The following MVB12B variants were observed in gnomAD, a reference collection of about 807,000 sequenced individuals.
The protein encoded by MVB12B is multivesicular body subunit 12B.
In MVB12B, 16 loss-of-function variants were observed where a neutral mutation model predicts 41.6. The ratio of observed to expected loss-of-function variants is 0.38; its 90% CI spans 0.26 to 0.58. The LOEUF (loss-of-function observed/expected upper bound fraction) is 0.58. Among genes scored for constraint, MVB12B ranks in the 20% least tolerant of loss-of-function variants. The pLI is 0.62. For synonymous variants in MVB12B, 133 were observed against 139.7 expected, an observed-to-expected ratio of 0.95 and a Z score of 0.34; for missense variants, 274 against 380.2, an observed-to-expected ratio of 0.72 and a Z score of 2.32.
chr9:126,502,245 C>T (rs1833973665), intron 9 of MVB12B, among the ~76,000 whole-genome samples: 2 of 152,132 alleles, frequency 1.3e-5, no homozygotes, highest in South Asian at 2.1e-4. Context: ...ACGCCTTGCA[C>T]CTGTGTCCGG....
rs1211521655 is a variant in MVB12B at position 126,333,245 on chromosome 9, C to A, written c.81+6235C>A. Among the ~76,000 whole-genome samples the A allele has an allele frequency of 6.6e-6, 1 of 152,040 alleles. No homozygotes were observed. Among genetic ancestry groups the A allele is most frequent in the African/African-American group, 2.4e-5 (1 of 41,368 alleles). On this transcript the variant is annotated intron_variant, in intron 1 of 9. Transcript: ENST00000361171. This position sits in a 1 kb window ranked among gnomAD's most constrained non-coding sequence, Gnocchi z 4.7. Reference sequence around the variant, plus strand: ...GGGACTACAGGTGCGTGCCACCATGCCTGGCTAATTTTTGTATTTTTAGTA... The same window carrying A: ...GGGACTACAGGTGCGTGCCACCATGACTGGCTAATTTTTGTATTTTTAGTA...
At chr9:126,454,783 AT>A in intron 7 of MVB12B, among the ~76,000 whole-genome samples, 1 of 149,034 alleles carries the variant, frequency 6.7e-6, no homozygotes, top group East Asian at 2.2e-4. Context: ...GATGACCATA[AT>A]TGAGTTTTTT....
intron 6 of MVB12B, among the ~76,000 whole-genome samples, chr9:126,409,024 C>T (rs1047314081): frequency 7.2e-5 from 11 of 152,220 alleles, no homozygotes; most frequent in Admixed American, 3.3e-4. Flanking sequence ...TGCCTCAAAT[C>T]GGCCTTGTGG....
intron 1 of MVB12B, among the ~76,000 whole-genome samples, chr9:126,338,314 C>A (rs1049186606): frequency 1.3e-5 from 2 of 152,242 alleles, no homozygotes; most frequent in Non-Finnish European, 2.9e-5. Context: ...TTTGAACCTT[C>A]TCCTGGGCCG....
At chr9:126,335,318 C>T (rs1049162732) in intron 1 of MVB12B, 5 of 1,304,012 alleles carry the variant, frequency 3.8e-6, no homozygotes, top group African/African-American at 1.5e-5. Context: ...TCAGTCTGTG[C>T]ACTGTCCCCC....
chr9:126,371,978 A>G (rs781561871), intron 2 of MVB12B, among the ~76,000 whole-genome samples: 4 of 152,128 alleles, frequency 2.6e-5, no homozygotes, highest in Non-Finnish European at 4.4e-5. Context: ...CTGCCACCTA[A>G]TTTTGAACAT....
intron 7 of MVB12B, among the ~76,000 whole-genome samples, chr9:126,446,251 ATTATT>A (rs1412953887): frequency 6.6e-6 from 1 of 151,970 alleles, no homozygotes; most frequent in Non-Finnish European, 1.5e-5. Context: ...ACAGATACAG[ATTATT>A]TTGTTTTGAT....
intron 1 of MVB12B, among the ~76,000 whole-genome samples, chr9:126,338,226 G>A (rs1829341125): frequency 6.6e-6 from 1 of 152,228 alleles, no homozygotes; most frequent in Non-Finnish European, 1.5e-5. Flanking sequence ...GATGCTCTGC[G>A]CGCAGCTCTG....
intron 4 of MVB12B, among the ~76,000 whole-genome samples, chr9:126,388,042 G>A (rs946344299): frequency 1.3e-4 from 20 of 152,166 alleles, no homozygotes; most frequent in African/African-American, 3.9e-4. Context: ...CACATACCGT[G>A]CAATTCACCT....
At chr9:126,346,375 T>G in intron 2 of MVB12B, among the ~76,000 whole-genome samples, 1 of 150,160 alleles carries the variant, frequency 6.7e-6, no homozygotes, top group African/African-American at 2.5e-5. Context: ...TGTTGGGAGG[T>G]GGGGGAGTAG....
intron 6 of MVB12B, among the ~76,000 whole-genome samples, chr9:126,403,571 G>A (rs1235455140): frequency 6.6e-6 from 1 of 152,194 alleles, no homozygotes; most frequent in African/African-American, 2.4e-5. Flanking sequence ...AGATCCTCAT[G>A]TTTTCCTTTT....
At chr9:126,381,459 C>T (rs1830633461) in intron 3 of MVB12B, among the ~76,000 whole-genome samples, 1 of 152,182 alleles carries the variant, frequency 6.6e-6, no homozygotes, top group South Asian at 2.1e-4. Flanking sequence ...CTCCAAGCAA[C>T]AGATCACAGG....
chr9:126,326,995 GC>G lies in MVB12B; in HGVS notation c.70del (p.Gln24SerfsTer45). 8.4e-6 allele frequency: 2 copies of G among 238,074 alleles called. No individual in the cohort carries two copies. Among genetic ancestry groups the G allele is most frequent in the Non-Finnish European group, 1.7e-5 (2 of 119,138 alleles). 14.7% of individuals were successfully genotyped at this position (238,074 alleles called of 1,614,324 possible). On this transcript the variant is annotated frameshift_variant, in exon 1 of 10. Coordinates refer to ENST00000361171, the MANE Select transcript of MVB12B (RefSeq NM_033446.3). LOFTEE classifies it high-confidence loss of function. ...CGCCGCCGCAGCCACCGCCGCCGCC[GC>G]CCCAGCGGGGAACAGTTAAGTGAGG... ...PPPPQPPPPP[P>X]QRGTDQSTMP...
At chr9:126,336,820 C>G (rs1190880002) in intron 1 of MVB12B, among the ~76,000 whole-genome samples, 2 of 152,078 alleles carry the variant, frequency 1.3e-5, no homozygotes, top group Non-Finnish European at 2.9e-5. Context: ...TCGGGGCAGA[C>G]AACACTGCCT....
intron 2 of MVB12B, among the ~76,000 whole-genome samples, chr9:126,377,629 G>A (rs1002149654): frequency 1.3e-5 from 2 of 152,038 alleles, no homozygotes; most frequent in Admixed American, 1.3e-4. Context: ...GAGCCCATCC[G>A]TGTCAGGCAT....
chr9:126,461,265 C>T (rs1396012759), intron 7 of MVB12B, among the ~76,000 whole-genome samples: 1 of 152,250 alleles, frequency 6.6e-6, no homozygotes, highest in Non-Finnish European at 1.5e-5. Flanking sequence ...CTGGTGGCTT[C>T]TACGGGGATT....
intron 7 of MVB12B, among the ~76,000 whole-genome samples, chr9:126,447,168 C>T (rs1337332705): frequency 6.6e-6 from 1 of 150,686 alleles, no homozygotes; most frequent in Non-Finnish European, 1.5e-5. Flanking sequence ...TGGTCTCCAA[C>T]TCCTGACCTC....
intron 6 of MVB12B, among the ~76,000 whole-genome samples, chr9:126,415,031 G>T (rs1831771205): frequency 6.6e-6 from 1 of 151,962 alleles, no homozygotes; most frequent in Non-Finnish European, 1.5e-5. Flanking sequence ...CTCCCAGCCG[G>T]CCTCTCGGTT....
At chr9:126,498,223 G>A (rs9696909) in intron 9 of MVB12B, among the ~76,000 whole-genome samples, 37,317 of 152,166 alleles carry the variant, frequency 0.25, 4,867 homozygotes, top group Non-Finnish European at 0.29. Flanking sequence ...AGCCGAGGCC[G>A]TGGGAGTGCC....
Sources: gnomAD v4.1 joint callset for allele counts (sites outside exome capture counted in the v4.1 genomes callset) on GRCh38, gnomAD v4.1.1 for gene constraint, Gnocchi (gnomAD v3.1) non-coding constraint, MANE v1.5 for transcripts, NCBI Gene and HGNC (gene_info 2026-07-23, HGNC 2026-07-21) for gene names.